Variants in PRSS23 observed in about 807,000 individuals in gnomAD.
The protein encoded by PRSS23 is serine protease 23.
PRSS23 carries 25 observed loss-of-function variants against 34.7 expected under a neutral mutation model. The ratio of observed to expected loss-of-function variants is 0.72; its 90% CI spans 0.53 to 1.01. PRSS23 has a LOEUF of 1.01. Ranked by LOEUF, PRSS23 falls within the 50% of genes least tolerant of loss-of-function variation. PRSS23 has a pLI of 0.00. For missense variants in PRSS23, 445 were observed against 475.6 expected (o/e 0.94, Z 0.60); for synonymous variants, 176 against 186.6 (o/e 0.94, Z 0.46).
chr11:86,812,648 C>T (rs1379165364), downstream of PRSS23, among the ~76,000 whole-genome samples: 2 of 151,874 alleles, frequency 1.3e-5, no homozygotes, highest in Non-Finnish European at 2.9e-5. Context: ...ATTGGCCGGG[C>T]ATGGTGGCGC....
intron 2 of PRSS23, among the ~76,000 whole-genome samples, chr11:86,858,588 T>A (rs1471792385): frequency 2.0e-5 from 3 of 151,784 alleles, no homozygotes; most frequent in Non-Finnish European, 4.4e-5. Context: ...CCTATATTTT[T>A]GTTTTTAAGA....
chr11:86,920,454 C>T (rs1949040876), intron 2 of PRSS23, among the ~76,000 whole-genome samples: 1 of 152,136 alleles, frequency 6.6e-6, no homozygotes, highest in Non-Finnish European at 1.5e-5. Flanking sequence ...ACTTCCATTG[C>T]CATGCAATAA....
chr11:86,919,517 ATGAT>A (rs1949034273), intron 2 of PRSS23, among the ~76,000 whole-genome samples: 1 of 152,112 alleles, frequency 6.6e-6, no homozygotes, highest in South Asian at 2.1e-4. Context: ...TCTTGAGTGA[ATGAT>A]TGTAGAGAAG....
chr11:86,898,100 T>C (rs976146948), intron 2 of PRSS23, among the ~76,000 whole-genome samples: 3 of 152,220 alleles, frequency 2.0e-5, no homozygotes, highest in African/African-American at 4.8e-5. Flanking sequence ...AAATCTTTAA[T>C]TGGAGGCTCA....
intron 2 of PRSS23, among the ~76,000 whole-genome samples, chr11:86,893,877 T>C (rs1163023593): frequency 1.3e-5 from 2 of 152,186 alleles, no homozygotes; most frequent in Admixed American, 6.5e-5. Context: ...ACCCCACTTA[T>C]AGAGGTCAAT....
chr11:86,829,313 T>C (rs575948285), intron 2 of PRSS23, among the ~76,000 whole-genome samples: 2 of 152,248 alleles, frequency 1.3e-5, no homozygotes, highest in Non-Finnish European at 2.9e-5. Context: ...GCATTCTTCA[T>C]GTAGTTCTCG....
chr11:86,948,436 T>C (rs1949262456), intron 2 of PRSS23: 1 of 152,174 alleles, frequency 6.6e-6, no homozygotes, highest in Non-Finnish European at 1.5e-5. Flanking sequence ...TGGAGTTGAT[T>C]GAAGGTCACT....
At chr11:86,886,383 C>G (rs1473004474) in intron 2 of PRSS23, among the ~76,000 whole-genome samples, 1 of 152,194 alleles carries the variant, frequency 6.6e-6, no homozygotes, top group Non-Finnish European at 1.5e-5. Context: ...AGCTCCCTCC[C>G]TGCACTGCAA....
intron 2 of PRSS23, among the ~76,000 whole-genome samples, chr11:86,843,004 T>C (rs1948459899): frequency 6.6e-6 from 1 of 152,144 alleles, no homozygotes; most frequent in Non-Finnish European, 1.5e-5. Flanking sequence ...GGCAGCACGC[T>C]ACCTAACTTC....
At chr11:86,930,011 T>C (rs1285114740) in intron 2 of PRSS23, among the ~76,000 whole-genome samples, 1 of 152,010 alleles carries the variant, frequency 6.6e-6, no homozygotes, top group African/African-American at 2.4e-5. Flanking sequence ...CTAATAGTAT[T>C]CATAATTTGT....
exon 3 of PRSS23, chr11:86,952,574 A>T: frequency 1.5e-6 from 2 of 1,317,460 alleles, no homozygotes; most frequent in South Asian, 2.4e-5. Flanking sequence ...CAATCTAGGT[A>T]TCTACTTTTA....
At chr11:86,904,165 A>C (rs985176133) in intron 2 of PRSS23, among the ~76,000 whole-genome samples, 1 of 152,178 alleles carries the variant, frequency 6.6e-6, no homozygotes, top group South Asian at 2.1e-4. Context: ...TTCTGTGCTC[A>C]CTTAGCACTG....
chr11:86,794,354 G>C (rs1002243789), intron 1 of PRSS23, among the ~76,000 whole-genome samples: 16 of 152,148 alleles, frequency 1.1e-4, no homozygotes, highest in African/African-American at 3.6e-4. Context: ...CAGAGAAAAT[G>C]AGAAACACAT....
At position 86,950,470 on chromosome 11, in the gene PRSS23, G is replaced by A. The variant is rs886048730; in HGVS notation, c.207-746G>A. 2.0e-5 allele frequency: 3 copies of A among 152,842 alleles called. No homozygotes were observed. The highest frequency in any genetic ancestry group is 4.4e-5 in the Non-Finnish European group (3 of 68,212). The allele number at this position is 152,842 out of a possible 1,614,324, so 9.5% of individuals were successfully genotyped here. A position where few individuals can be genotyped will look rare whatever the true frequency, so the allele number is the denominator to read the frequency against. On this transcript the variant is annotated intron_variant, in intron 2 of 2. Transcript: ENST00000533902. ...TTGAAATTTAAGAGAGGAAGACAGA[G>A]AAGAAAAATCCACTGGATACCTTAT...
At chr11:86,847,317 A>G (rs4558183) in intron 2 of PRSS23, among the ~76,000 whole-genome samples, 1,550 of 152,304 alleles carry the variant, frequency 0.01, 25 homozygotes, top group African/African-American at 0.032. Flanking sequence ...TGGTGCCCCC[A>G]ACCCAGGCCT....
chr11:86,865,904 T>C (rs1454116406), intron 2 of PRSS23, among the ~76,000 whole-genome samples: 2 of 152,208 alleles, frequency 1.3e-5, no homozygotes, highest in Non-Finnish European at 2.9e-5. Flanking sequence ...CAAATGCTTC[T>C]CACAGAAGTC....
chr11:86,863,853 C>G (rs955468603), intron 2 of PRSS23, among the ~76,000 whole-genome samples: 1 of 152,202 alleles, frequency 6.6e-6, no homozygotes, highest in Non-Finnish European at 1.5e-5. Context: ...TATTAAAGAG[C>G]AAGGCTGCAT....
chr11:86,944,144 C>T (rs970052861), intron 2 of PRSS23, among the ~76,000 whole-genome samples: 2 of 152,060 alleles, frequency 1.3e-5, no homozygotes, highest in Non-Finnish European at 2.9e-5. Flanking sequence ...TCTCTCCTGG[C>T]TGGTGGTTTC....
intron 2 of PRSS23, among the ~76,000 whole-genome samples, chr11:86,855,018 A>C (rs1174547625): frequency 6.6e-6 from 1 of 152,174 alleles, no homozygotes; most frequent in Admixed American, 6.5e-5. Context: ...ATACAAAATT[A>C]GCTGGGTGTG....
Sources: gnomAD v4.1 joint callset for allele counts (sites outside exome capture counted in the v4.1 genomes callset) on GRCh38, gnomAD v4.1.1 for gene constraint, MANE v1.5 for transcripts, NCBI Gene and HGNC (gene_info 2026-07-23, HGNC 2026-07-21) for gene names.